Variants in SSBP2 observed in about 807,000 individuals in gnomAD.
SSBP2 encodes single stranded DNA binding protein 2.
Under a neutral mutation model 61.8 loss-of-function variants are expected in SSBP2, and 17 were observed. That is an observed-to-expected ratio of 0.28 (90% confidence interval 0.19 to 0.41). The LOEUF (loss-of-function observed/expected upper bound fraction) is 0.41. SSBP2 is among the 10% of genes least tolerant of loss of function. The pLI is 1.00. For missense variants in SSBP2, 310 were observed against 458.7 expected (o/e 0.68, Z 2.96); for synonymous variants, 139 against 141.3 (o/e 0.98, Z 0.12).
chr5:81,732,625 G>A (rs1186124164), intron 1 of SSBP2, among the ~76,000 whole-genome samples: 1 of 152,080 alleles, frequency 6.6e-6, no homozygotes, highest in Non-Finnish European at 1.5e-5. Flanking sequence ...AATTACATAT[G>A]CAAATAAATA....
chr5:81,472,129 A>T (rs573035232), intron 8 of SSBP2, among the ~76,000 whole-genome samples: 1 of 152,178 alleles, frequency 6.6e-6, no homozygotes, highest in Non-Finnish European at 1.5e-5. Flanking sequence ...GGAGAAATGA[A>T]TAAGTTCATT....
intron 4 of SSBP2, among the ~76,000 whole-genome samples, chr5:81,583,090 T>G (rs565839241): frequency 6.6e-6 from 1 of 151,924 alleles, no homozygotes; most frequent in East Asian, 2.0e-4. Flanking sequence ...TAGCCAGGCA[T>G]GGTGGTATGT....
At chr5:81,541,818 C>T (rs930416583) in intron 4 of SSBP2, among the ~76,000 whole-genome samples, 1 of 152,020 alleles carries the variant, frequency 6.6e-6, no homozygotes, top group Non-Finnish European at 1.5e-5. Flanking sequence ...TATAAGAATC[C>T]TAGAAAAAAA....
intron 1 of SSBP2, among the ~76,000 whole-genome samples, chr5:81,674,412 A>G (rs1751807703): frequency 6.6e-6 from 1 of 152,200 alleles, no homozygotes; most frequent in Non-Finnish European, 1.5e-5. Flanking sequence ...CCAATGTTCC[A>G]AAGTTTCCAA....
chr5:81,739,092 G>T (rs140665414), intron 1 of SSBP2, among the ~76,000 whole-genome samples: 76 of 148,746 alleles, frequency 5.1e-4, no homozygotes, highest in African/African-American at 1.8e-3. Flanking sequence ...TTGAACCTGG[G>T]AGGTGGAGGT....
intron 4 of SSBP2, among the ~76,000 whole-genome samples, chr5:81,606,983 A>G (rs1369952578): frequency 6.6e-6 from 1 of 152,188 alleles, no homozygotes; most frequent in African/African-American, 2.4e-5. Context: ...AAGATTTGTG[A>G]TAAGATTTGC....
chr5:81,717,863 A>G (rs1755264340), intron 1 of SSBP2, among the ~76,000 whole-genome samples: 2 of 152,190 alleles, frequency 1.3e-5, no homozygotes, highest in South Asian at 4.1e-4. Flanking sequence ...ACCTGCACCT[A>G]AACAATTCAC....
rs569948357 is a variant in SSBP2 at position 81,675,570 on chromosome 5, T to A, written c.63-25231A>T. 9.2e-5 allele frequency among the ~76,000 whole-genome samples: 14 copies of A among 152,336 alleles called. No individual in the cohort carries two copies. In the Middle Eastern group the frequency reaches 0.01, roughly 111 times the overall value. On this transcript the variant is annotated intron_variant, in intron 1 of 16. Coordinates refer to ENST00000320672, the MANE Select transcript of SSBP2 (RefSeq NM_012446.5). ...CTGGATTCTCAACCTTCAAACTTCA[T>A]TTATTTAAGAGGAAATAAATTGTAA...
chr5:81,582,172 T>C (rs935790327), intron 4 of SSBP2, among the ~76,000 whole-genome samples: 2 of 152,192 alleles, frequency 1.3e-5, no homozygotes, highest in African/African-American at 2.4e-5. Flanking sequence ...TTGTTTGGGG[T>C]TGACATCTAT....
intron 1 of SSBP2, among the ~76,000 whole-genome samples, chr5:81,702,775 T>C (rs1754082292): frequency 6.6e-6 from 1 of 152,168 alleles, no homozygotes; most frequent in South Asian, 2.1e-4. Context: ...TTTTGCCACT[T>C]TCCACTATGT....
At chr5:81,645,131 T>C (rs1217077059) in intron 2 of SSBP2, among the ~76,000 whole-genome samples, 1 of 152,230 alleles carries the variant, frequency 6.6e-6, no homozygotes, top group Non-Finnish European at 1.5e-5. Flanking sequence ...GTTACAATTA[T>C]CATCATCTTA....
At position 81,731,116 on chromosome 5, in the gene SSBP2, C is replaced by G. The variant is rs115025546; in HGVS notation, c.62+19865G>C. 2.0e-3 allele frequency among the ~76,000 whole-genome samples: 306 copies of G among 152,186 alleles called. 2 individuals carry two copies. Among genetic ancestry groups the G allele is most frequent in the African/African-American group, 7.2e-3 (298 of 41,520 alleles). ...TGTAGATTCTATAAATACTGAAATGCGTGCCCTTAAGTTTCTAACTGCTTT... is the reference window on the plus strand; with the variant it reads ...TGTAGATTCTATAAATACTGAAATGGGTGCCCTTAAGTTTCTAACTGCTTT... On this transcript the variant is annotated intron_variant, in intron 1 of 16. Coordinates refer to ENST00000320672, the MANE Select transcript of SSBP2 (RefSeq NM_012446.5).
intron 1 of SSBP2, among the ~76,000 whole-genome samples, chr5:81,659,120 C>T (rs889591718): frequency 6.6e-6 from 1 of 152,134 alleles, no homozygotes; most frequent in Non-Finnish European, 1.5e-5. Context: ...CAAGGATGCC[C>T]TCTCTCACCA....
At chr5:81,447,963 T>C (rs1317850046) in intron 11 of SSBP2, 1 of 152,228 alleles carries the variant, frequency 6.6e-6, no homozygotes, top group Non-Finnish European at 1.5e-5. Flanking sequence ...CTTTTCACTA[T>C]GTTAATAAAA....
In SSBP2 at chr5:81,428,627, G is replaced by A. The variant is rs199659509; in HGVS notation, c.1014C>T (p.Gly338=). The change falls in exon 16 of 17, where the codon GGC becomes GGT. Residue 338 remains glycine (G), a synonymous_variant. Coordinates refer to ENST00000320672, the MANE Select transcript of SSBP2 (RefSeq NM_012446.5). ...GATTTAAGAAATTTCCCCCCATTTC[G>A]CCATCATCCCTTGGAGTGCCCGGTT... 8.8e-5 allele frequency: 142 copies of A among 1,613,020 alleles called. No individual in the cohort carries two copies. The highest frequency in any genetic ancestry group is 2.2e-4 in the East Asian group (10 of 44,852).
At chr5:81,488,044 TA>T (rs1428321505) in intron 6 of SSBP2, among the ~76,000 whole-genome samples, 3 of 63,596 alleles carry the variant, frequency 4.7e-5, no homozygotes, top group East Asian at 3.9e-4. Flanking sequence ...TATATATATA[TA>T]TATATATATA....
intron 4 of SSBP2, among the ~76,000 whole-genome samples, chr5:81,565,229 T>A (rs181090067): frequency 3.3e-5 from 5 of 152,314 alleles, no homozygotes; most frequent in African/African-American, 4.8e-5. Context: ...ATATCTGAAA[T>A]TAACCTCTCT....
rs760277444 is a variant in SSBP2, at chr5:81,718,459, T to C, written c.62+32522A>G. Among the ~76,000 whole-genome samples the C allele has an allele frequency of 2.6e-5, 4 of 152,156 alleles. No individual in the cohort carries two copies. The East Asian group carries it at 7.7e-4, about 29-fold the overall frequency. On this transcript the variant is annotated intron_variant, in intron 1 of 16. Coordinates refer to ENST00000320672, the MANE Select transcript of SSBP2 (RefSeq NM_012446.5). ...AAGTAAGCTAGCTCATGTCAGAGGTTATCCAGCAGTTACCAATCAACCTCC... is the reference window on the plus strand; with the variant it reads ...AAGTAAGCTAGCTCATGTCAGAGGTCATCCAGCAGTTACCAATCAACCTCC...
intron 1 of SSBP2, among the ~76,000 whole-genome samples, chr5:81,748,552 A>C (rs903252322): frequency 6.6e-6 from 1 of 152,190 alleles, no homozygotes; most frequent in Non-Finnish European, 1.5e-5. Flanking sequence ...TTTGTCTTAG[A>C]TTCAAACAAC....
Sources: allele counts gnomAD v4.1 joint callset (sites outside exome capture counted in the v4.1 genomes callset), GRCh38; gene constraint gnomAD v4.1.1; transcripts MANE v1.5; gene names NCBI Gene and HGNC (gene_info 2026-07-23, HGNC 2026-07-21).